Variants in SYNRG observed in about 807,000 individuals in gnomAD.
SYNRG encodes AP1 gamma subunit binding protein 1.
SYNRG carries 37 observed loss-of-function variants against 130.9 expected under a neutral mutation model. That is an observed-to-expected ratio of 0.28 (90% CI 0.22 to 0.37). The LOEUF (loss-of-function observed/expected upper bound fraction) is 0.37, where lower values mean the gene tolerates loss of function less well. SYNRG is among the 10% of genes least tolerant of loss of function. The pLI is 1.00. For missense variants in SYNRG, 1,338 were observed against 1,588.9 expected, an observed-to-expected ratio of 0.84 and a Z score of 2.68; for synonymous variants, 539 against 568.1, an observed-to-expected ratio of 0.95 and a Z score of 0.73.
At chr17:37,539,279 C>T (rs377352314) in intron 16 of SYNRG, 34 bp from the exon 17 acceptor site, 4 of 1,607,862 alleles carry the variant, frequency 2.5e-6, no homozygotes, top group Non-Finnish European at 2.6e-6. Context: ...GGGTTAAACA[C>T]ACAAACCTGG....
At chr17:37,561,335 T>C in intron 12 of SYNRG, 78 bp from the exon 13 acceptor site, 1 of 1,518,070 alleles carries the variant, frequency 6.6e-7, no homozygotes. Context: ...GCAGATTGGT[T>C]TAACCAAACA....
At chr17:37,521,704 G>A (rs546246964) in intron 19 of SYNRG, among the ~76,000 whole-genome samples, 2 of 152,298 alleles carry the variant, frequency 1.3e-5, no homozygotes, top group East Asian at 1.9e-4. Context: ...GAAGTCTGCT[G>A]TAGCAGTCCT....
chr17:37,605,020 A>G (rs528879651), intron 1 of SYNRG, among the ~76,000 whole-genome samples: 3 of 152,366 alleles, frequency 2.0e-5, no homozygotes, highest in South Asian at 2.1e-4. Flanking sequence ...ACCATAACAA[A>G]TAATAATAAT....
chr17:37,527,033 T>C (rs957124765), intron 19 of SYNRG, among the ~76,000 whole-genome samples: 4 of 152,148 alleles, frequency 2.6e-5, no homozygotes, highest in African/African-American at 9.7e-5. Context: ...GCTATCACCA[T>C]TGAAAATAAA....
chr17:37,540,820 A>G, intron 15 of SYNRG: 1 of 551,992 alleles, frequency 1.8e-6, no homozygotes, highest in Non-Finnish European at 2.3e-6. Context: ...TTTTTAGTAG[A>G]TACACGGTTT....
chr17:37,541,667 A>G (rs1222648232), intron 15 of SYNRG: 1 of 422,304 alleles, frequency 2.4e-6, no homozygotes, highest in Non-Finnish European at 4.2e-6. Context: ...TAATGTGCCT[A>G]CAAGTGGCTC....
At chr17:37,533,368 TC>T (rs1471395724) in intron 19 of SYNRG, among the ~76,000 whole-genome samples, 2 of 150,240 alleles carry the variant, frequency 1.3e-5, no homozygotes, top group Non-Finnish European at 3.0e-5. Context: ...ACCACTTCCC[TC>T]CAGCCTGGGT....
intron 2 of SYNRG, among the ~76,000 whole-genome samples, chr17:37,598,980 A>G (rs559872521): frequency 2.6e-5 from 4 of 152,360 alleles, no homozygotes; most frequent in Non-Finnish European, 5.9e-5. Context: ...CGATGAAAAG[A>G]ATACAACTGA....
intron 8 of SYNRG, among the ~76,000 whole-genome samples, chr17:37,573,096 G>A (rs2060555710): frequency 6.6e-6 from 1 of 151,972 alleles, no homozygotes; most frequent in Non-Finnish European, 1.5e-5. Context: ...CAGGTTAGTG[G>A]GCTCTCCATA....
At chr17:37,559,409 G>A (rs57666318) in intron 13 of SYNRG, among the ~76,000 whole-genome samples, 24,153 of 152,190 alleles carry the variant, frequency 0.16, 2,096 homozygotes, top group Middle Eastern at 0.27. Context: ...AAAAAGACTG[G>A]CCAAGTGTGG....
At chr17:37,571,525 T>G (rs2060433130) in intron 9 of SYNRG, among the ~76,000 whole-genome samples, 1 of 152,206 alleles carries the variant, frequency 6.6e-6, no homozygotes, top group South Asian at 2.1e-4. Flanking sequence ...GAAGCTGCAG[T>G]GAGCTGAGAT....
In SYNRG at chr17:37,571,772, C is replaced by A; in HGVS notation, c.1098+19G>T. The A allele has an allele frequency of 6.3e-7, 1 of 1,590,026 alleles. No individual in the cohort carries two copies. The highest frequency in any genetic ancestry group is 1.8e-5 in the Admixed American group (1 of 55,082). On this transcript the variant is annotated intron_variant, in intron 9 of 21. Coordinates refer to ENST00000612223, the MANE Select transcript of SYNRG (RefSeq NM_007247.6). ...ATATTAATAAAGTTATTTGATCTAA[C>A]TTAAGAAACATTGTTTACCTGTGTT...
At chr17:37,581,012 G>A (rs1184296050) in intron 6 of SYNRG, among the ~76,000 whole-genome samples, 1 of 152,112 alleles carries the variant, frequency 6.6e-6, no homozygotes. Flanking sequence ...ATATTTTCTT[G>A]TGAAAAGCAT....
intron 11 of SYNRG, among the ~76,000 whole-genome samples, chr17:37,565,001 C>T (rs746211541): frequency 3.3e-5 from 5 of 152,184 alleles, no homozygotes; most frequent in African/African-American, 4.8e-5. Flanking sequence ...TGGTGGCTCA[C>T]GCCTGTAATT....
At chr17:37,586,667 A>G (rs1598536726) in intron 3 of SYNRG, 118 bp from the exon 4 acceptor site, 1 of 1,191,742 alleles carries the variant, frequency 8.4e-7, no homozygotes, top group East Asian at 2.6e-5. Context: ...ATAGAAATAT[A>G]TTGGATTAAA....
At chr17:37,587,381 CTCT>C in intron 3 of SYNRG, among the ~76,000 whole-genome samples, 1 of 152,236 alleles carries the variant, frequency 6.6e-6, no homozygotes, top group Admixed American at 6.5e-5. Flanking sequence ...TGAGTGAAAA[CTCT>C]TCTACTACTC....
In SYNRG at chr17:37,542,579, A is replaced by G; in HGVS notation, c.2609-14T>C. ...AGTCCTCTATATCTGAAAGGGAAAT[A>G]AGACCCCACAATTAGAGGCAAGCAA... is the stretch of plus-strand genomic sequence containing the variant. On this transcript the variant is annotated splice_polypyrimidine_tract_variant and intron_variant, in intron 14 of 21. Coordinates refer to ENST00000612223, the MANE Select transcript of SYNRG (RefSeq NM_007247.6). The G allele has an allele frequency of 6.3e-7, 1 of 1,595,960 alleles. No homozygotes were observed. The highest frequency in any genetic ancestry group is 8.5e-7 in the Non-Finnish European group (1 of 1,172,146).
At chr17:37,606,013 A>G (rs570331019) in intron 1 of SYNRG, 1 of 985,388 alleles carries the variant, frequency 1.0e-6, no homozygotes, top group East Asian at 1.1e-4. Context: ...CCATTACGCA[A>G]TAATTAAATG....
At chr17:37,529,791 C>G in intron 19 of SYNRG, 1 of 1,551,522 alleles carries the variant, frequency 6.4e-7, no homozygotes, top group Non-Finnish European at 8.7e-7. Context: ...ACCTTTTCTT[C>G]TAAGAGCTCA....
Sources: gnomAD v4.1 joint callset for allele counts (sites outside exome capture counted in the v4.1 genomes callset) on GRCh38, gnomAD v4.1.1 for gene constraint, MANE v1.5 for transcripts, NCBI Gene and HGNC (gene_info 2026-07-23, HGNC 2026-07-21) for gene names.